The following HERC5 variants were observed in gnomAD, a reference collection of about 807,000 sequenced individuals.
HERC5 encodes HECT and RLD domain containing E3 ubiquitin protein ligase 5.
Under a neutral mutation model 119.6 loss-of-function variants are expected in HERC5, and 99 were observed. That is an observed-to-expected ratio of 0.83 (90% CI 0.70 to 0.98). HERC5 has a LOEUF of 0.98. HERC5 is among the 50% of genes least tolerant of loss of function. The pLI, the probability that HERC5 is intolerant of heterozygous loss-of-function variation, is 0.00. For synonymous variants in HERC5, 478 were observed against 445.9 expected (o/e 1.07, Z -0.91); for missense variants, 1,267 against 1,241.3 (o/e 1.02, Z -0.31).
intron 13 of HERC5, among the ~76,000 whole-genome samples, chr4:88,480,792 T>G (rs555906991): frequency 2.0e-5 from 3 of 152,358 alleles, no homozygotes; most frequent in Admixed American, 6.5e-5. Context: ...TGTTTGTAAT[T>G]GCAATATTTG....
chr4:88,486,470 A>G (rs1047923520), intron 14 of HERC5, among the ~76,000 whole-genome samples: 1 of 152,238 alleles, frequency 6.6e-6, no homozygotes, highest in Non-Finnish European at 1.5e-5. Context: ...CTATACTGTA[A>G]TTAGAGAAGG....
intron 20 of HERC5, among the ~76,000 whole-genome samples, chr4:88,501,458 A>G (rs1741945049): frequency 6.6e-6 from 1 of 152,178 alleles, no homozygotes; most frequent in Non-Finnish European, 1.5e-5. Context: ...AAAGGTTACT[A>G]TGATATTTTG....
In HERC5 at chr4:88,494,163, A is replaced by G; in HGVS notation, c.2278-2A>G. On this transcript the variant is annotated splice_acceptor_variant, in intron 17 of 22. Coordinates refer to ENST00000264350, the MANE Select transcript of HERC5 (RefSeq NM_016323.4). LOFTEE classifies it high-confidence loss of function. ...CTTTAAGATTTTTTTTTCGCTTTTC[A>G]GCCTAAATTTGAGAAGAAAAGATAC... 1 of 1,587,974 alleles carries G rather than the reference A, an allele frequency of 6.3e-7. No individual in the cohort carries two copies. The highest frequency in any genetic ancestry group is 8.5e-7 in the Non-Finnish European group (1 of 1,170,942).
chr4:88,481,658 G>T (rs1232714146), intron 13 of HERC5, among the ~76,000 whole-genome samples: 1 of 152,084 alleles, frequency 6.6e-6, no homozygotes, highest in East Asian at 1.9e-4. Flanking sequence ...AATATTTTAG[G>T]CTTTATGAGG....
chr4:88,483,633 ATCG>A (rs1741361588), intron 13 of HERC5, among the ~76,000 whole-genome samples: 2 of 143,642 alleles, frequency 1.4e-5, no homozygotes, highest in South Asian at 4.2e-4. Context: ...GGTTCAAGCT[ATCG>A]TCGTGCCTCA....
At chr4:88,465,674 T>G (rs772486307) in intron 6 of HERC5, among the ~76,000 whole-genome samples, 77 of 152,226 alleles carry the variant, frequency 5.1e-4, no homozygotes, top group Non-Finnish European at 9.4e-4. Flanking sequence ...GAGATCTGTC[T>G]TAATGCACAT....
At chr4:88,500,087 ACCT>A in intron 19 of HERC5, 95 bp downstream of exon 19, 1 of 760,832 alleles carries the variant, frequency 1.3e-6, no homozygotes, top group Non-Finnish European at 2.2e-6. Flanking sequence ...TAAAAAAAAA[ACCT>A]GAATAAATTA....
rs1172729064 is a variant in HERC5 at position 88,489,163 on chromosome 4, T to C, written c.1963-3T>C. 6.3e-7 allele frequency: 1 copy of C among 1,597,044 alleles called. No individual in the cohort carries two copies. The highest frequency in any genetic ancestry group is 1.4e-5 in the African/African-American group (1 of 73,880). Reference sequence around the variant, plus strand: ...TGTAATATTTCTGTTTCTGTTTTCCTAGAGTAAAAAACATAAAGCTTATCT... The same window carrying C: ...TGTAATATTTCTGTTTCTGTTTTCCCAGAGTAAAAAACATAAAGCTTATCT... On this transcript the variant is annotated splice_polypyrimidine_tract_variant and splice_region_variant and intron_variant, in intron 15 of 22. Transcript: ENST00000264350.
chr4:88,501,048 A>C, intron 20 of HERC5, 63 bp downstream of exon 20: 1 of 1,164,506 alleles, frequency 8.6e-7, no homozygotes. Flanking sequence ...CTGAGCTCTA[A>C]AAATTCCTTT....
At chr4:88,502,310 T>C (rs1741970477) in intron 20 of HERC5, among the ~76,000 whole-genome samples, 1 of 152,214 alleles carries the variant, frequency 6.6e-6, no homozygotes, top group East Asian at 1.9e-4. Context: ...GATATTGATA[T>C]GGATGATGCC....
chr4:88,484,478 T>C (rs997948336), intron 13 of HERC5, among the ~76,000 whole-genome samples: 5 of 152,356 alleles, frequency 3.3e-5, no homozygotes, highest in Admixed American at 1.3e-4. Flanking sequence ...CATTTTTGGC[T>C]TGAAGCTTTT....
At chr4:88,491,750 G>C (rs1006085821) in intron 16 of HERC5, among the ~76,000 whole-genome samples, 2 of 152,100 alleles carry the variant, frequency 1.3e-5, no homozygotes, top group African/African-American at 4.8e-5. Flanking sequence ...GTTTGTATTG[G>C]AGACAATGTG....
In HERC5 at chr4:88,457,328, C is replaced by A; in HGVS notation, c.59C>A (p.Ala20Asp). 2 of 1,399,642 alleles carry A rather than the reference C, an allele frequency of 1.4e-6. No homozygotes were observed. Among genetic ancestry groups the A allele is most frequent in the East Asian group, 3.0e-5 (1 of 32,790 alleles). 86.7% of individuals were successfully genotyped at this position (1,399,642 alleles called of 1,614,324 possible). Reference sequence around the variant, plus strand: ...AACGGGCGCTCGACCGCGGGCAAGGCCGCCGCGACCCAGCCCGCGAAGTCT... The same window carrying A: ...AACGGGCGCTCGACCGCGGGCAAGGACGCCGCGACCCAGCCCGCGAAGTCT... The part of the protein sequence containing the change: ...RRNGRSTAGK[A>D]AATQPAKSPG... Residue 20 changes from alanine to aspartate, a missense_variant, in exon 1 of 23, where the codon GCC becomes GAC. Physicochemically the swap from Ala to Asp is moderately radical, Grantham distance 126. Transcript: ENST00000264350.
chr4:88,479,550 A>G lies in HERC5; in HGVS notation c.1737+43A>G, dbSNP rs550944089. ...AACCTCTGTGTTTTTATCTAGCTGTAAAAATTCCCTTCCTTTCAGCTGGCT... is the reference window on the plus strand; with the variant it reads ...AACCTCTGTGTTTTTATCTAGCTGTGAAAATTCCCTTCCTTTCAGCTGGCT... On this transcript the variant is annotated intron_variant, in intron 13 of 22. Transcript: ENST00000264350. The G allele has an allele frequency of 7.0e-5, 103 of 1,476,426 alleles. No individual in the cohort carries two copies. In the South Asian group the frequency reaches 1.4e-3, roughly 20 times the overall value. 91.5% of individuals were successfully genotyped at this position (1,476,426 alleles called of 1,614,324 possible).
chr4:88,495,506 G>A (rs1161718513), intron 18 of HERC5, among the ~76,000 whole-genome samples: 1 of 152,180 alleles, frequency 6.6e-6, no homozygotes, highest in African/African-American at 2.4e-5. Context: ...GCTGCAGTGA[G>A]CCGTGATCAT....
Position 88,486,098 on chromosome 4 carries a change from G to A in HERC5, c.1738-17G>A. ...CTTTAAATATAAAACTTTTTCACAA[G>A]TCATATTTTATTTAAGGTAAACCAG... On this transcript the variant is annotated splice_polypyrimidine_tract_variant and intron_variant, in intron 13 of 22. Transcript: ENST00000264350. The A allele has an allele frequency of 6.6e-7, 1 of 1,508,796 alleles. No individual in the cohort carries two copies. Among genetic ancestry groups the A allele is most frequent in the Non-Finnish European group, 9.1e-7 (1 of 1,096,388 alleles). The allele number at this position is 1,508,796 out of a possible 1,614,324, so 93.5% of individuals were successfully genotyped here.
chr4:88,474,376 T>C (rs980921445), intron 11 of HERC5, among the ~76,000 whole-genome samples: 3 of 152,216 alleles, frequency 2.0e-5, no homozygotes, highest in Non-Finnish European at 4.4e-5. Context: ...GAAAAGCGTA[T>C]GCCAAAGCAC....
At chr4:88,498,875 A>G (rs1448666578) in intron 18 of HERC5, among the ~76,000 whole-genome samples, 1 of 152,184 alleles carries the variant, frequency 6.6e-6, no homozygotes, top group African/African-American at 2.4e-5. Context: ...CTGGCCTACC[A>G]TTGTATTTTA....
chr4:88,489,379 G>A, intron 16 of HERC5, 43 bp downstream of exon 16: 2 of 1,517,264 alleles, frequency 1.3e-6, no homozygotes, highest in African/African-American at 1.4e-5. Flanking sequence ...GCTGAGAAAA[G>A]AAAAACATAA....
Sources: allele counts gnomAD v4.1 joint callset (sites outside exome capture counted in the v4.1 genomes callset), GRCh38; gene constraint gnomAD v4.1.1; transcripts MANE v1.5; gene names NCBI Gene and HGNC (gene_info 2026-07-23, HGNC 2026-07-21).